The following NRXN1 variants were observed in gnomAD, a reference collection of about 807,000 sequenced individuals.
The protein encoded by NRXN1 is neurexin 1.
Under a neutral mutation model 150.9 loss-of-function variants are expected in NRXN1, and 39 were observed. The observed-to-expected ratio is 0.26, with a 90% confidence interval of 0.20 to 0.34. NRXN1 has a LOEUF of 0.34. Ranked by LOEUF, NRXN1 falls within the 10% of genes least tolerant of loss-of-function variation. NRXN1 has a pLI of 1.00. For synonymous variants in NRXN1, 924 were observed against 757.0 expected, an observed-to-expected ratio of 1.22 and a Z score of -3.62; for missense variants, 1,815 against 1,949.9, an observed-to-expected ratio of 0.93 and a Z score of 1.30.
chr2:50,182,652 T>G (rs2152812817), intron 18 of NRXN1, among the ~76,000 whole-genome samples: 1 of 152,188 alleles, frequency 6.6e-6, no homozygotes, highest in Admixed American at 6.6e-5. Flanking sequence ...TGCTCATTCC[T>G]TCTTCGAGCT....
intron 17 of NRXN1, among the ~76,000 whole-genome samples, chr2:50,379,702 G>GA (rs1211140787): frequency 1.3e-5 from 2 of 151,782 alleles, no homozygotes; most frequent in Non-Finnish European, 2.9e-5. Context: ...GTGCAATTTA[G>GA]AAAAAAATAG....
At chr2:50,083,601 C>T (rs1367551895) in intron 19 of NRXN1, among the ~76,000 whole-genome samples, 1 of 152,154 alleles carries the variant, frequency 6.6e-6, no homozygotes, top group Non-Finnish European at 1.5e-5. Context: ...AGGACCCCAG[C>T]AGGTGGCCAG....
intron 5 of NRXN1, among the ~76,000 whole-genome samples, chr2:50,809,530 T>C (rs988164017): frequency 6.6e-6 from 1 of 152,142 alleles, no homozygotes; most frequent in African/African-American, 2.4e-5. Flanking sequence ...TTTCCCTTCA[T>C]AATTATGTAG....
At chr2:50,992,942 C>T (rs543795365) in intron 2 of NRXN1, among the ~76,000 whole-genome samples, 130 of 152,028 alleles carry the variant, frequency 8.6e-4, no homozygotes, top group Non-Finnish European at 1.6e-3. Flanking sequence ...GCAGATTTTA[C>T]CAAGTGCATA....
At chr2:50,135,264 T>A (rs1164622415) in intron 18 of NRXN1, among the ~76,000 whole-genome samples, 1 of 152,192 alleles carries the variant, frequency 6.6e-6, no homozygotes, top group African/African-American at 2.4e-5. Context: ...AGAAACACTT[T>A]CCACAAGTCA....
intron 18 of NRXN1, among the ~76,000 whole-genome samples, chr2:50,136,609 T>G (rs1010471958): frequency 1.3e-5 from 2 of 152,176 alleles, no homozygotes; most frequent in African/African-American, 2.4e-5. Flanking sequence ...GACCCCGGGA[T>G]GTATTATACA....
At chr2:50,294,283 T>C (rs1003091074) in intron 17 of NRXN1, among the ~76,000 whole-genome samples, 5 of 152,196 alleles carry the variant, frequency 3.3e-5, no homozygotes, top group Non-Finnish European at 7.4e-5. Flanking sequence ...GTACATTGTG[T>C]CTAAGTCTTA....
chr2:50,223,562 C>T (rs938003334), intron 18 of NRXN1, among the ~76,000 whole-genome samples: 1 of 151,906 alleles, frequency 6.6e-6, no homozygotes, highest in Non-Finnish European at 1.5e-5. Flanking sequence ...CGTAATAGGG[C>T]TAAAATTTCA....
At chr2:50,194,867 A>G (rs1359920681) in intron 18 of NRXN1, among the ~76,000 whole-genome samples, 3 of 152,158 alleles carry the variant, frequency 2.0e-5, no homozygotes, top group Admixed American at 2.0e-4. Context: ...TCTTTGTTCA[A>G]ATTAAAGAAC....
chr2:50,026,232 G>A (rs1237479456), intron 21 of NRXN1, among the ~76,000 whole-genome samples: 2 of 152,154 alleles, frequency 1.3e-5, no homozygotes, highest in African/African-American at 2.4e-5. Context: ...ATCTATTCAA[G>A]TTTTGAGGCA....
chr2:50,755,721 CTTTACA>C (rs971198406), intron 5 of NRXN1, among the ~76,000 whole-genome samples: 4 of 151,802 alleles, frequency 2.6e-5, no homozygotes, highest in Non-Finnish European at 1.5e-5. Flanking sequence ...TTGGATCACA[CTTTACA>C]TTTAAACTAA....
intron 17 of NRXN1, among the ~76,000 whole-genome samples, chr2:50,395,398 G>A (rs2081992751): frequency 6.6e-6 from 1 of 151,158 alleles, no homozygotes; most frequent in African/African-American, 2.4e-5. Context: ...TCTTCTACAA[G>A]CAGAAGACAT....
chr2:50,711,071 T>G lies in NRXN1; in HGVS notation c.833-87456A>C, dbSNP rs4971690. On this transcript the variant is annotated intron_variant, in intron 5 of 22. Coordinates refer to ENST00000401669, the MANE Select transcript of NRXN1 (RefSeq NM_001330078.2). ...AAAATAGAAACTTCTGTGTACTTAC[T>G]GGTCAAGTCAGCTTAAAATTAAGCT... 9.2e-3 allele frequency among the ~76,000 whole-genome samples: 1,396 copies of G among 152,314 alleles called. 54 individuals are homozygous for G. The highest frequency in any genetic ancestry group is 0.063 in the East Asian group (328 of 5,176).
At chr2:50,902,229 T>A (rs1394844565) in intron 5 of NRXN1, among the ~76,000 whole-genome samples, 1 of 152,208 alleles carries the variant, frequency 6.6e-6, no homozygotes, top group Non-Finnish European at 1.5e-5. Flanking sequence ...AATGCATTTA[T>A]TCTCAGCAAT....
intron 21 of NRXN1, chr2:50,024,088 G>C (rs1472758317): frequency 6.6e-6 from 1 of 152,182 alleles, no homozygotes; most frequent in Non-Finnish European, 1.5e-5. Context: ...CCAAGGAATT[G>C]TGTGTCCTAC....
chr2:50,862,173 G>C (rs1185845088), intron 5 of NRXN1, among the ~76,000 whole-genome samples: 2 of 148,562 alleles, frequency 1.3e-5, no homozygotes, highest in Non-Finnish European at 1.5e-5. Context: ...CTGCACTCTA[G>C]CCTAGAGGAC....
intron 19 of NRXN1, among the ~76,000 whole-genome samples, chr2:50,083,692 G>T (rs1330718143): frequency 1.3e-5 from 2 of 152,152 alleles, no homozygotes; most frequent in Non-Finnish European, 2.9e-5. Context: ...ACAGAGAGCC[G>T]ATTGGTCTGT....
intron 17 of NRXN1, among the ~76,000 whole-genome samples, chr2:50,384,401 G>A (rs2081175172): frequency 6.6e-6 from 1 of 150,646 alleles, no homozygotes; most frequent in Non-Finnish European, 1.5e-5. Flanking sequence ...AGCTACTTGG[G>A]AGGCTAAGGC....
At chr2:49,997,056 A>G (rs1460398428) in intron 21 of NRXN1, among the ~76,000 whole-genome samples, 5 of 152,188 alleles carry the variant, frequency 3.3e-5, no homozygotes. Flanking sequence ...AAGTACTACT[A>G]ACAGAATACA....
Sources: allele counts gnomAD v4.1 joint callset (sites outside exome capture counted in the v4.1 genomes callset), GRCh38; gene constraint gnomAD v4.1.1; transcripts MANE v1.5; gene names NCBI Gene and HGNC (gene_info 2026-07-23, HGNC 2026-07-21).